Variants in NBEA observed in about 807,000 individuals in gnomAD.
The protein encoded by NBEA is lysosomal-trafficking regulator 2.
A neutral mutation model predicts 343.4 loss-of-function variants in NBEA; 44 were observed. The ratio of observed to expected loss-of-function variants is 0.13; its 90% confidence interval spans 0.10 to 0.16. The LOEUF (loss-of-function observed/expected upper bound fraction) is 0.16, where lower values mean the gene tolerates loss of function less well. NBEA is among the 10% of genes least tolerant of loss of function. The pLI is 1.00. For synonymous variants in NBEA, 1,175 were observed against 1,238.7 expected (o/e 0.95, Z 1.08); for missense variants, 2,555 against 3,631.3 (o/e 0.70, Z 7.62).
chr13:35,289,862 T>G (rs546577153), intron 34 of NBEA, among the ~76,000 whole-genome samples: 1 of 151,950 alleles, frequency 6.6e-6, no homozygotes, highest in Non-Finnish European at 1.5e-5. Context: ...CTTGATGTGT[T>G]AATCATACAT....
At chr13:35,587,959 AAAAG>A (rs1257764341) in intron 46 of NBEA, among the ~76,000 whole-genome samples, 5 of 152,020 alleles carry the variant, frequency 3.3e-5, no homozygotes, top group Admixed American at 3.3e-4. Context: ...TATAAGTAAA[AAAAG>A]AAACAGGTAA....
At chr13:35,328,127 T>TG (rs1320499676) in intron 36 of NBEA, among the ~76,000 whole-genome samples, 3 of 151,916 alleles carry the variant, frequency 2.0e-5, no homozygotes, top group Non-Finnish European at 4.4e-5. Context: ...GATCTTAAGA[T>TG]GTATGACAGA....
intron 48 of NBEA, among the ~76,000 whole-genome samples, chr13:35,607,869 C>T (rs2082344912): frequency 6.6e-6 from 1 of 152,060 alleles, no homozygotes; most frequent in South Asian, 2.1e-4. Flanking sequence ...TAGCATCTTC[C>T]CCGATTTTTC....
At chr13:35,165,719 C>G (rs570745043) in intron 24 of NBEA, among the ~76,000 whole-genome samples, 126 of 139,936 alleles carry the variant, frequency 9.0e-4, no homozygotes, top group Admixed American at 7.2e-3. Flanking sequence ...GAGTATCATT[C>G]TGTGACCCAG....
intron 11 of NBEA, among the ~76,000 whole-genome samples, chr13:35,101,534 C>T (rs1476793074): frequency 1.3e-5 from 2 of 151,412 alleles, no homozygotes; most frequent in Admixed American, 6.6e-5. Flanking sequence ...ATCCTTTGCC[C>T]ATTTAATAAT....
intron 35 of NBEA, among the ~76,000 whole-genome samples, chr13:35,292,339 A>G (rs2035855304): frequency 6.6e-6 from 1 of 152,024 alleles, no homozygotes; most frequent in South Asian, 2.1e-4. Context: ...GATGATTTAT[A>G]TCCTATTTTC....
chr13:35,649,923 TG>T, intron 52 of NBEA, 76 bp downstream of exon 52: 1 of 1,342,840 alleles, frequency 7.4e-7, no homozygotes, highest in African/African-American at 1.5e-5. Context: ...GTACTGGGAC[TG>T]GGATTAGCTC....
intron 38 of NBEA, among the ~76,000 whole-genome samples, chr13:35,387,584 C>T (rs1200305459): frequency 6.6e-6 from 1 of 152,130 alleles, no homozygotes; most frequent in Non-Finnish European, 1.5e-5. Flanking sequence ...ATTTGATTAA[C>T]AGCACAGGAA....
At chr13:35,230,280 CCAGTAA>C (rs1020647977) in intron 33 of NBEA, among the ~76,000 whole-genome samples, 2 of 151,898 alleles carry the variant, frequency 1.3e-5, no homozygotes, top group Admixed American at 1.3e-4. Context: ...AACTTAATCA[CCAGTAA>C]CAGTATTTTT....
At chr13:35,232,664 G>A in intron 34 of NBEA, 45 bp downstream of exon 34, 1 of 1,313,884 alleles carries the variant, frequency 7.6e-7, no homozygotes, top group Non-Finnish European at 1.0e-6. Flanking sequence ...TATAATGTAT[G>A]TATTAATCAT....
intron 49 of NBEA, among the ~76,000 whole-genome samples, chr13:35,636,723 G>T (rs1200540102): frequency 6.6e-6 from 1 of 152,090 alleles, no homozygotes; most frequent in Non-Finnish European, 1.5e-5. Context: ...CATACTGATT[G>T]TTCTCACCTG....
chr13:34,960,340 T>G (rs2059622366), intron 1 of NBEA, among the ~76,000 whole-genome samples: 1 of 152,080 alleles, frequency 6.6e-6, no homozygotes, highest in Non-Finnish European at 1.5e-5. Context: ...GTCAAAAAGT[T>G]AAAAAAATGA....
chr13:35,196,315 CTTA>C lies in NBEA; in HGVS notation c.5366+19_5366+21del. 1.3e-6 allele frequency: 2 copies of C among 1,591,630 alleles called. No individual in the cohort carries two copies. Among genetic ancestry groups the C allele is most frequent in the Non-Finnish European group, 1.7e-6 (2 of 1,168,946 alleles). ...ATTCCTTTGACAGGTAGGTACTGAACTTATTATTCACAGGGCTTTATACATAAA... is the reference window on the plus strand; with the variant it reads ...ATTCCTTTGACAGGTAGGTACTGAACTTATTCACAGGGCTTTATACATAAA... On this transcript the variant is annotated intron_variant, in intron 31 of 58. Coordinates refer to ENST00000379939, the MANE Select transcript of NBEA (RefSeq NM_001385012.1).
At chr13:35,250,324 A>G (rs1389406049) in intron 34 of NBEA, among the ~76,000 whole-genome samples, 1 of 152,190 alleles carries the variant, frequency 6.6e-6, no homozygotes, top group Admixed American at 6.5e-5. Context: ...AGAAACTCCT[A>G]CCAATGAATA....
chr13:35,154,140 G>A (rs1293289579), intron 18 of NBEA, among the ~76,000 whole-genome samples: 1 of 152,068 alleles, frequency 6.6e-6, no homozygotes, highest in Non-Finnish European at 1.5e-5. Flanking sequence ...TAATAAAGTA[G>A]GTCAGTTTTT....
intron 11 of NBEA, among the ~76,000 whole-genome samples, chr13:35,102,445 C>CA (rs1177586319): frequency 1.3e-5 from 2 of 151,446 alleles, no homozygotes; most frequent in Admixed American, 1.3e-4. Flanking sequence ...CAACTTCCAC[C>CA]AAAAAACATG....
intron 36 of NBEA, among the ~76,000 whole-genome samples, chr13:35,323,200 C>T (rs905384909): frequency 2.0e-5 from 3 of 152,110 alleles, no homozygotes; most frequent in African/African-American, 7.2e-5. Flanking sequence ...TTGACCCAGC[C>T]ATCCCATTAC....
intron 19 of NBEA, 42 bp from the exon 20 acceptor site, chr13:35,156,041 G>T: frequency 6.4e-7 from 1 of 1,550,396 alleles, no homozygotes; most frequent in South Asian, 1.2e-5. Flanking sequence ...TTGAACATAG[G>T]ATATGGTTAC....
At chr13:35,441,528 A>G (rs182885211) in intron 39 of NBEA, among the ~76,000 whole-genome samples, 1 of 152,266 alleles carries the variant, frequency 6.6e-6, no homozygotes, top group East Asian at 1.9e-4. Context: ...CCATGTTGTC[A>G]TTAATGCCAC....
Sources: allele counts gnomAD v4.1 joint callset (sites outside exome capture counted in the v4.1 genomes callset), GRCh38; gene constraint gnomAD v4.1.1; transcripts MANE v1.5; gene names NCBI Gene and HGNC (gene_info 2026-07-23, HGNC 2026-07-21).